Variants in ATRN observed in about 807,000 individuals in gnomAD.
ATRN encodes the protein attractin, also known as attractin-2.
A neutral mutation model predicts 178.7 loss-of-function variants in ATRN; 54 were observed. The observed-to-expected ratio is 0.30, with a 90% CI of 0.24 to 0.38. The LOEUF (loss-of-function observed/expected upper bound fraction) is 0.38. ATRN is among the 10% of genes least tolerant of loss of function. ATRN has a pLI of 1.00. For missense variants in ATRN, 1,443 were observed against 1,815.1 expected, an observed-to-expected ratio of 0.79 and a Z score of 3.73; for synonymous variants, 636 against 663.0, an observed-to-expected ratio of 0.96 and a Z score of 0.63.
chr20:3,590,044 G>A (rs1231524049), intron 18 of ATRN, among the ~76,000 whole-genome samples: 1 of 152,130 alleles, frequency 6.6e-6, no homozygotes, highest in African/African-American at 2.4e-5. Flanking sequence ...CTGCCTCCCG[G>A]GTTCAAGCGG....
At chr20:3,559,550 A>T (rs1172467600) in intron 7 of ATRN, 67 bp downstream of exon 7, 11 of 1,323,060 alleles carry the variant, frequency 8.3e-6, no homozygotes, top group Non-Finnish European at 1.2e-5. Context: ...TGTATTACAT[A>T]GTTGAAAAGC....
At chr20:3,620,989 T>A (rs6115965) in intron 24 of ATRN, among the ~76,000 whole-genome samples, 26,600 of 152,138 alleles carry the variant, frequency 0.17, 5,232 homozygotes, top group African/African-American at 0.49. Flanking sequence ...ATTTTATTTT[T>A]TTTTAAGCTC....
At chr20:3,518,725 C>G (rs1314006031) in intron 1 of ATRN, among the ~76,000 whole-genome samples, 1 of 151,984 alleles carries the variant, frequency 6.6e-6, no homozygotes, top group Admixed American at 6.6e-5. Flanking sequence ...CACCTTCTCC[C>G]CCATATTATT....
chr20:3,532,887 C>G (rs1010125358), intron 1 of ATRN, among the ~76,000 whole-genome samples: 1 of 152,118 alleles, frequency 6.6e-6, no homozygotes, highest in South Asian at 2.1e-4. Flanking sequence ...CTCAACCTCC[C>G]GAGTAGCTGG....
intron 25 of ATRN, 52 bp from the exon 26 acceptor site, chr20:3,634,259 G>T (rs2087009631): frequency 1.3e-6 from 2 of 1,566,574 alleles, no homozygotes; most frequent in Admixed American, 3.3e-5. Context: ...GGCAACGGTG[G>T]GAGCTGATTC....
intron 15 of ATRN, among the ~76,000 whole-genome samples, chr20:3,579,016 A>C (rs1368069727): frequency 3.3e-5 from 5 of 152,188 alleles, no homozygotes; most frequent in Admixed American, 6.5e-5. Context: ...TGTAACATGT[A>C]TATGTGTACA....
rs1225238251 is a variant in ATRN at position 3,477,199 on chromosome 20, A to G, written c.410+5682A>G. Among the ~76,000 whole-genome samples the G allele has an allele frequency of 3.8e-5, 4 of 104,350 alleles. 1 individual carries two copies. The allele number at this position is 104,350 out of a possible 152,430, so 68.5% of individuals were successfully genotyped here. A position where few individuals can be genotyped will look rare whatever the true frequency, so the allele number is the denominator to read the frequency against. On this transcript the variant is annotated intron_variant, in intron 1 of 28. Coordinates refer to ENST00000262919, the MANE Select transcript of ATRN (RefSeq NM_139321.3). ...CCATGAGGGCAGGGGCCCAGAGCAT[A>G]GTTCACAAGTCCAGTTTAGGCTGAT...
intron 24 of ATRN, among the ~76,000 whole-genome samples, chr20:3,617,953 C>G (rs188099631): frequency 1.6e-3 from 248 of 152,284 alleles, no homozygotes; most frequent in African/African-American, 5.7e-3. Flanking sequence ...GAATGGAAAA[C>G]GGAGCTTCCC....
At chr20:3,616,428 C>T (rs924635123) in intron 24 of ATRN, among the ~76,000 whole-genome samples, 35 of 151,360 alleles carry the variant, frequency 2.3e-4, no homozygotes, top group African/African-American at 8.3e-4. Flanking sequence ...GGGGAGTGCC[C>T]TGTGTCACCT....
Position 3,562,479 on chromosome 20 carries a change from C to G in ATRN, c.1631+20C>G. 1 of 1,611,474 alleles carries G rather than the reference C, an allele frequency of 6.2e-7. No homozygotes were observed. The highest frequency in any genetic ancestry group is 8.5e-7 in the Non-Finnish European group (1 of 1,178,300). ...GATGTGGTGGGTACTTTTTCTTGAG[C>G]TTTCACTTTAAGGTGTAAATTCTGT... On this transcript the variant is annotated intron_variant, in intron 9 of 28. Coordinates refer to ENST00000262919, the MANE Select transcript of ATRN (RefSeq NM_139321.3).
chr20:3,554,626 G>A (rs1483819921), intron 6 of ATRN, among the ~76,000 whole-genome samples: 1 of 151,992 alleles, frequency 6.6e-6, no homozygotes, highest in African/African-American at 2.4e-5. Flanking sequence ...GAGCCACTAT[G>A]CCCAGCCAGA....
intron 24 of ATRN, among the ~76,000 whole-genome samples, chr20:3,618,783 C>G (rs2086872320): frequency 1.3e-5 from 2 of 152,176 alleles, no homozygotes; most frequent in South Asian, 4.1e-4. Flanking sequence ...TCATATGGAT[C>G]TGGTCCAGAG....
At chr20:3,600,288 A>G (rs551613062) in intron 22 of ATRN, among the ~76,000 whole-genome samples, 33 of 152,322 alleles carry the variant, frequency 2.2e-4, no homozygotes, top group Non-Finnish European at 4.1e-4. Flanking sequence ...GTGAACTGCT[A>G]TATCTCTAAG....
chr20:3,554,367 G>T (rs902587093), intron 6 of ATRN, among the ~76,000 whole-genome samples: 1 of 145,010 alleles, frequency 6.9e-6, no homozygotes, highest in East Asian at 2.1e-4. Context: ...ATGGAGTCTC[G>T]CTCTGTCGCC....
At chr20:3,478,151 C>T (rs1271335526) in intron 1 of ATRN, among the ~76,000 whole-genome samples, 1 of 152,142 alleles carries the variant, frequency 6.6e-6, no homozygotes, top group Non-Finnish European at 1.5e-5. Flanking sequence ...TCATTGCTGA[C>T]CTGCTTCTGT....
At chr20:3,495,858 AT>A (rs34657033) in intron 1 of ATRN, among the ~76,000 whole-genome samples, 2,852 of 152,120 alleles carry the variant, frequency 0.019, 68 homozygotes, top group African/African-American at 0.053. Flanking sequence ...ATAAATATAT[AT>A]TTTTGTGCAT....
intron 3 of ATRN, among the ~76,000 whole-genome samples, chr20:3,544,867 G>C (rs1162120718): frequency 6.8e-6 from 1 of 147,244 alleles, no homozygotes; most frequent in Non-Finnish European, 1.5e-5. Flanking sequence ...CAAACATTTA[G>C]AATCCGTCAT....
intron 1 of ATRN, among the ~76,000 whole-genome samples, chr20:3,473,793 C>T (rs1339431820): frequency 6.6e-6 from 1 of 152,158 alleles, no homozygotes; most frequent in East Asian, 1.9e-4. Flanking sequence ...AGTAGGTACA[C>T]TCACTTTGGG....
intron 24 of ATRN, among the ~76,000 whole-genome samples, chr20:3,622,786 A>T (rs1428530936): frequency 6.6e-6 from 1 of 152,232 alleles, no homozygotes; most frequent in Non-Finnish European, 1.5e-5. Context: ...TACCAGCCAT[A>T]CCAAAAGCTG....
Sources: allele counts gnomAD v4.1 joint callset (sites outside exome capture counted in the v4.1 genomes callset), GRCh38; gene constraint gnomAD v4.1.1; transcripts MANE v1.5; gene names NCBI Gene and HGNC (gene_info 2026-07-23, HGNC 2026-07-21).